The following TKT variants were observed in gnomAD, a reference collection of about 807,000 sequenced individuals.
The protein encoded by TKT is epididymis luminal protein 107.
A neutral mutation model predicts 63.9 loss-of-function variants in TKT; 47 were observed. The observed-to-expected ratio is 0.74, with a 90% CI of 0.58 to 0.94. The LOEUF (loss-of-function observed/expected upper bound fraction) is 0.94. TKT is among the 40% of genes least tolerant of loss of function. TKT has a pLI of 0.00. For missense variants in TKT, 721 were observed against 846.2 expected (o/e 0.85, Z 1.84); for synonymous variants, 338 against 334.1 (o/e 1.01, Z -0.13).
At chr3:53,235,468 GA>G in intron 4 of TKT, 1 of 260,954 alleles carries the variant, frequency 3.8e-6, no homozygotes, top group Non-Finnish European at 7.3e-6. Flanking sequence ...ATAAGATCTA[GA>G]AAAATGGGGG....
chr3:53,227,940 C>T, intron 12 of TKT, 116 bp downstream of exon 12: 1 of 843,768 alleles, frequency 1.2e-6, no homozygotes, highest in Non-Finnish European at 1.9e-6. Context: ...AAATGAAATG[C>T]TTTCTCTCTA....
chr3:53,225,355 G>C lies in TKT; in HGVS notation c.*401C>G, dbSNP rs73840245. 27,278 of 157,118 alleles carry C rather than the reference G, an allele frequency of 0.17. 2,478 individuals carry two copies. The highest frequency in any genetic ancestry group is 0.29 in the South Asian group (1,449 of 4,952). The allele number at this position is 157,118 out of a possible 1,614,324, so 9.7% of individuals were successfully genotyped here. On this transcript the variant is annotated 3_prime_UTR_variant, in exon 14 of 14. Coordinates refer to ENST00000462138, the MANE Select transcript of TKT (RefSeq NM_001064.4). ...AGTGCCTGGTCAGCTTCCAGACTGA[G>C]GCAGTTCCCCAGCCCGCTCAGGGCC...
chr3:53,231,491 T>C lies in TKT; in HGVS notation c.808A>G (p.Ile270Val). Residue 270 changes from isoleucine (I) to valine (V), a missense_variant, in exon 7 of 14, where the codon ATC becomes GTC. Ile to Val is a conservative substitution (Grantham distance 29). Transcript: ENST00000462138. ...KPLPKNMAEQIIQEIYSQIQS... is the reference protein window; with the variant it reads ...KPLPKNMAEQVIQEIYSQIQS... The stretch of plus-strand genomic sequence containing the variant: ...ATCTGGCTGTAGATCTCCTGGATGA[T>C]CTGCTCAGCCATGTTTTTGGGGAGG... 1 of 1,614,154 alleles carries C rather than the reference T, an allele frequency of 6.2e-7. No individual in the cohort carries two copies. Among genetic ancestry groups the C allele is most frequent in the Non-Finnish European group, 8.5e-7 (1 of 1,180,024 alleles).
intron 11 of TKT, 21 bp downstream of exon 11, chr3:53,228,254 CT>C (rs782532873): frequency 6.2e-7 from 1 of 1,614,162 alleles, no homozygotes; most frequent in South Asian, 1.1e-5. Flanking sequence ...CTGTGGGCTC[CT>C]GGGGCATGCG....
chr3:53,255,262 A>G (rs1705936084), intron 1 of TKT, among the ~76,000 whole-genome samples: 1 of 152,220 alleles, frequency 6.6e-6, no homozygotes, highest in South Asian at 2.1e-4. Context: ...GGTGGGGAGA[A>G]GGCCGGGCCC....
At chr3:53,230,673 A>T (rs782199940) in intron 7 of TKT, 52 bp from the exon 8 acceptor site, 1 of 1,601,354 alleles carries the variant, frequency 6.2e-7, no homozygotes, top group Non-Finnish European at 8.5e-7. Flanking sequence ...GTGAGTGCAC[A>T]CCTGCAGCCT....
intron 10 of TKT, chr3:53,228,751 A>G (rs1553676171): frequency 8.3e-5 from 47 of 565,450 alleles, no homozygotes; most frequent in Non-Finnish European, 6.2e-6. Flanking sequence ...GAGAGGTGTC[A>G]ACCGCTGGAC....
At chr3:53,237,095 G>T (rs1004501501) in intron 4 of TKT, among the ~76,000 whole-genome samples, 1 of 152,190 alleles carries the variant, frequency 6.6e-6, no homozygotes, top group Non-Finnish European at 1.5e-5. Context: ...ATTAAAACCA[G>T]CTCTCAGGAT....
intron 1 of TKT, among the ~76,000 whole-genome samples, chr3:53,249,930 C>G (rs1705676031): frequency 6.6e-6 from 1 of 152,200 alleles, no homozygotes; most frequent in South Asian, 2.1e-4. Context: ...TGACAACAAG[C>G]CTGCCACAAG....
chr3:53,254,506 C>A (rs898843538), intron 1 of TKT, among the ~76,000 whole-genome samples: 1 of 152,220 alleles, frequency 6.6e-6, no homozygotes, highest in Admixed American at 6.5e-5. Context: ...GAAAGGTGAA[C>A]AGATTTACTT....
intron 5 of TKT, 34 bp from the exon 6 acceptor site, chr3:53,233,308 C>T (rs1553677677): frequency 3.2e-6 from 5 of 1,554,706 alleles, no homozygotes; most frequent in Admixed American, 1.8e-5. Flanking sequence ...AGGGGCAATT[C>T]CCAGGGGCCA....
At chr3:53,232,808 C>T (rs1166375252) in intron 6 of TKT, 6 of 406,480 alleles carry the variant, frequency 1.5e-5, no homozygotes, top group Non-Finnish European at 2.6e-5. Context: ...GAGCAGGTGG[C>T]CGGAGCTGGC....
rs781989562 is a variant in TKT, at chr3:53,225,880, G to T, written c.1748C>A (p.Thr583Asn). ...CCGGTTAACTGCCAGGTGGGTGACAGTGATGCCAGGCTCGCCCACTACTGC... is the reference window on the plus strand; with the variant it reads ...CCGGTTAACTGCCAGGTGGGTGACATTGATGCCAGGCTCGCCCACTACTGC... Reference protein sequence around the residue: ...SSAVVGEPGITVTHLAVNRVP... With the variant: ...SSAVVGEPGINVTHLAVNRVP... Residue 583 changes from threonine (T) to asparagine (N), a missense_variant, in exon 14 of 14, where the codon ACT becomes AAT. Coordinates refer to ENST00000462138, the MANE Select transcript of TKT (RefSeq NM_001064.4). The T allele has an allele frequency of 1.9e-6, 3 of 1,613,958 alleles. No individual in the cohort carries two copies. The South Asian group carries it at 3.3e-5, about 18-fold the overall frequency.
chr3:53,250,202 G>T (rs1705687066), intron 1 of TKT, among the ~76,000 whole-genome samples: 1 of 152,238 alleles, frequency 6.6e-6, no homozygotes, highest in Non-Finnish European at 1.5e-5. Flanking sequence ...TCTTGCCTCA[G>T]TCAGGGCCAG....
At chr3:53,238,867 A>G (rs1222694031) in intron 4 of TKT, among the ~76,000 whole-genome samples, 1 of 152,228 alleles carries the variant, frequency 6.6e-6, no homozygotes, top group Non-Finnish European at 1.5e-5. Context: ...CCAATACAGC[A>G]CATGAGCACT....
intron 1 of TKT, among the ~76,000 whole-genome samples, chr3:53,247,357 CA>C (rs71087068): frequency 1.2e-3 from 83 of 68,166 alleles, no homozygotes; most frequent in African/African-American, 3.5e-3. Context: ...AACTCAGCCT[CA>C]AAAAAAAAAA....
At chr3:53,235,964 G>A (rs1559651263) in intron 4 of TKT, among the ~76,000 whole-genome samples, 1 of 152,292 alleles carries the variant, frequency 6.6e-6, no homozygotes, top group Admixed American at 6.5e-5. Flanking sequence ...TGAGGGGATG[G>A]GGGTAGCAGA....
rs782512429 is a variant in TKT at position 53,225,734 on chromosome 3, C to G, written c.*22G>C. Reference sequence around the variant, plus strand: ...AGAATCTCAGGAATGTATAGACCCCCGCCCCACACTTCATACCCGCCCTAG... The same window carrying G: ...AGAATCTCAGGAATGTATAGACCCCGGCCCCACACTTCATACCCGCCCTAG... On this transcript the variant is annotated 3_prime_UTR_variant, in exon 14 of 14. Transcript: ENST00000462138. 3.8e-6 allele frequency: 6 copies of G among 1,590,338 alleles called. No individual in the cohort carries two copies. The highest frequency in any genetic ancestry group is 1.7e-4 in the Middle Eastern group (1 of 5,992).
intron 6 of TKT, 59 bp downstream of exon 6, chr3:53,233,097 C>G: frequency 6.9e-7 from 1 of 1,457,198 alleles, no homozygotes. Flanking sequence ...GTCAGAGCTA[C>G]GTAGCCACAG....
Sources: gnomAD v4.1 joint callset for allele counts (sites outside exome capture counted in the v4.1 genomes callset) on GRCh38, gnomAD v4.1.1 for gene constraint, MANE v1.5 for transcripts, NCBI Gene and HGNC (gene_info 2026-07-23, HGNC 2026-07-21) for gene names.